The following ATR variants were observed in gnomAD, a reference collection of about 807,000 sequenced individuals.
ATR encodes serine/threonine-protein kinase ATR.
In ATR, 142 loss-of-function variants were observed where a neutral mutation model predicts 305.3. The ratio of observed to expected loss-of-function variants is 0.47; its 90% confidence interval spans 0.41 to 0.53. The LOEUF is 0.53. Among genes scored for constraint, ATR ranks in the 20% least tolerant of loss-of-function variants. The pLI is 0.00. For missense variants in ATR, 2,135 were observed against 3,133.1 expected (o/e 0.68, Z 7.60); for synonymous variants, 1,050 against 1,068.1 (o/e 0.98, Z 0.33).
At chr3:142,565,238 T>A (rs914124319) in intron 3 of ATR, among the ~76,000 whole-genome samples, 2 of 151,978 alleles carry the variant, frequency 1.3e-5, no homozygotes, top group Admixed American at 1.3e-4. Context: ...TAAGAGAGAA[T>A]AAAGGAATAA....
intron 36 of ATR, among the ~76,000 whole-genome samples, chr3:142,473,638 C>T (rs998762202): frequency 3.3e-5 from 5 of 151,686 alleles, no homozygotes; most frequent in African/African-American, 9.7e-5. Context: ...CTCCACCTCC[C>T]GGGTTCCAGC....
chr3:142,498,880 C>A, intron 31 of ATR, 106 bp from the exon 32 acceptor site: 6 of 1,073,248 alleles, frequency 5.6e-6, no homozygotes, highest in Non-Finnish European at 8.2e-6. Context: ...CAGGTGGCTT[C>A]ATTCCTTTTT....
intron 46 of ATR, chr3:142,451,411 G>T: frequency 6.8e-7 from 1 of 1,478,268 alleles, no homozygotes. Flanking sequence ...CTGAAGCCTA[G>T]AAATATTTTT....
chr3:142,558,924 G>T, intron 7 of ATR, 148 bp from the exon 8 acceptor site: 1 of 818,578 alleles, frequency 1.2e-6, no homozygotes, highest in African/African-American at 1.7e-5. Flanking sequence ...GATGGTCTGA[G>T]GTCTGTGAAC....
chr3:142,558,557 A>AATAAATAGATAGATAG lies in ATR; in HGVS notation c.1885+66_1885+67insCTATCTATCTATTTAT, dbSNP rs1553771187. The AATAAATAGATAGATAG allele has an allele frequency of 1.3e-5, 8 of 620,138 alleles. No homozygotes were observed. In the African/African-American group the frequency reaches 1.5e-4, roughly 12 times the overall value. The allele number at this position is 620,138 out of a possible 1,614,324, so 38.4% of individuals were successfully genotyped here. On this transcript the variant is annotated intron_variant, in intron 8 of 46. Transcript: ENST00000350721. ...AAATAAATAAATAAATAAATAAATA[A>AATAAATAGATAGATAG]ATAGATAGATAGATAGATAGATAGA...
chr3:142,493,965 C>CCAAGGCATCAGTGAG (rs1395069474), intron 34 of ATR, among the ~76,000 whole-genome samples: 5 of 150,546 alleles, frequency 3.3e-5, no homozygotes, highest in Non-Finnish European at 3.0e-5. Context: ...GAGCAGGAGT[C>CCAAGGCATCAGTGAG]CAAGGCATCA....
At chr3:142,544,426 TG>T (rs1334301474) in intron 16 of ATR, among the ~76,000 whole-genome samples, 1 of 86,920 alleles carries the variant, frequency 1.2e-5, no homozygotes, top group Non-Finnish European at 2.2e-5. Flanking sequence ...CAGTCCAGCC[TG>T]GGTGACAGAG....
At chr3:142,554,456 G>A (rs1327782774) in intron 10 of ATR, among the ~76,000 whole-genome samples, 1 of 152,150 alleles carries the variant, frequency 6.6e-6, no homozygotes, top group African/African-American at 2.4e-5. Context: ...TCGAACACCT[G>A]AGCTCAGGCA....
intron 16 of ATR, among the ~76,000 whole-genome samples, chr3:142,546,254 C>T (rs549010389): frequency 5.5e-4 from 83 of 152,286 alleles, no homozygotes; most frequent in Non-Finnish European, 9.3e-4. Context: ...ATGGTTCTGG[C>T]TCTCAATCAG....
chr3:142,542,788 T>C (rs774039715), intron 16 of ATR, 31 bp from the exon 17 acceptor site: 1 of 1,485,954 alleles, frequency 6.7e-7, no homozygotes, highest in East Asian at 2.3e-5. Context: ...ATATGTAAGC[T>C]TTATACAGAT....
intron 36 of ATR, among the ~76,000 whole-genome samples, chr3:142,473,688 G>A (rs969520479): frequency 6.6e-6 from 1 of 151,748 alleles, no homozygotes; most frequent in Non-Finnish European, 1.5e-5. Flanking sequence ...TAGGATTACA[G>A]GTGCATGCCA....
chr3:142,452,324 T>C, intron 46 of ATR: 13 of 987,412 alleles, frequency 1.3e-5, no homozygotes, highest in African/African-American at 1.7e-5. Context: ...TTATTAAAGA[T>C]GTAAGAGTGC....
Position 142,498,668 on chromosome 3 carries a change from T to C in ATR, c.5487A>G (p.Glu1829=). ...FYDSLKLVRA[E]QIVPLSAASF... ...TTGCAGCTGAAAGAGGTACAATTTGTTCTGCTCTCACTAGTTTCAGTGAGT... is the reference window on the plus strand; with the variant it reads ...TTGCAGCTGAAAGAGGTACAATTTGCTCTGCTCTCACTAGTTTCAGTGAGT... Residue 1829 remains glutamate (E), a synonymous_variant, in exon 32 of 47, where the codon GAA becomes GAG. Coordinates refer to ENST00000350721, the MANE Select transcript of ATR (RefSeq NM_001184.4). 6.2e-7 allele frequency: 1 copy of C among 1,614,128 alleles called. No individual in the cohort carries two copies. Among genetic ancestry groups the C allele is most frequent in the Non-Finnish European group, 8.5e-7 (1 of 1,180,000 alleles).
intron 43 of ATR, 35 bp from the exon 44 acceptor site, chr3:142,459,146 T>A (rs777688157): frequency 6.2e-7 from 1 of 1,613,450 alleles, no homozygotes; most frequent in Non-Finnish European, 8.5e-7. Flanking sequence ...AATATCCATA[T>A]ACATATGAGG....
rs770581950 is a variant in ATR, at chr3:142,558,734, C to T, written c.1775G>A (p.Gly592Asp). Residue 592 changes from glycine to aspartate, a missense_variant, in exon 8 of 47, where the codon GGT becomes GAT. Transcript: ENST00000350721. ...FEDHILEDLCGMLSLPWIYSH... is the reference protein window; with the variant it reads ...FEDHILEDLCDMLSLPWIYSH... The stretch of plus-strand genomic sequence containing the variant: ...ATAAATCCATGGAAGTGAGAGCATA[C>T]CACATAAATCTTCCAGGATATGATC... The T allele has an allele frequency of 6.2e-7, 1 of 1,610,968 alleles. No individual in the cohort carries two copies. The highest frequency in any genetic ancestry group is 8.5e-7 in the Non-Finnish European group (1 of 1,177,864).
At chr3:142,541,340 T>G (rs960389697) in intron 17 of ATR, among the ~76,000 whole-genome samples, 2 of 152,232 alleles carry the variant, frequency 1.3e-5, no homozygotes, top group Non-Finnish European at 2.9e-5. Context: ...TAATGCATAT[T>G]GTTTAATTTC....
At position 142,507,940 on chromosome 3, in the gene ATR, T is replaced by C; in HGVS notation, c.5022A>G (p.Gly1674=). ...TATATTAACTTCAGACCTGTAAAAA[T>C]CCAAGATGTTCCTGAATATTTTGCT... ...EKKQNIQEHL[G]FLQKLYAAMH... Residue 1674 remains glycine, a synonymous_variant, in exon 28 of 47, where the codon GGA becomes GGG. Transcript: ENST00000350721. The C allele has an allele frequency of 6.2e-7, 1 of 1,605,752 alleles. No homozygotes were observed. The highest frequency in any genetic ancestry group is 1.1e-5 in the South Asian group (1 of 90,886).
In ATR at chr3:142,451,820, G is replaced by A. The variant is rs922389770; in HGVS notation, c.7761+1308C>T. On this transcript the variant is annotated intron_variant, in intron 46 of 46. Transcript: ENST00000350721. ...AGTTAGATATGTATATAGCTTGAGT[G>A]TGATCCTGCTAGAGCTCTTTCAGCT... 1.6e-5 allele frequency: 21 copies of A among 1,281,266 alleles called. 1 individual carries two copies. In the Admixed American group the frequency reaches 4.7e-4, roughly 29 times the overall value. The allele number at this position is 1,281,266 out of a possible 1,614,324, so 79.4% of individuals were successfully genotyped here. A position where few individuals can be genotyped will look rare whatever the true frequency, so the allele number is the denominator to read the frequency against.
At chr3:142,510,208 C>G (rs2032480635) in intron 27 of ATR, among the ~76,000 whole-genome samples, 1 of 148,544 alleles carries the variant, frequency 6.7e-6, no homozygotes, top group South Asian at 2.2e-4. Flanking sequence ...GAAATAAAAA[C>G]TAACAGGCTG....
Sources: gnomAD v4.1 joint callset for allele counts (sites outside exome capture counted in the v4.1 genomes callset) on GRCh38, gnomAD v4.1.1 for gene constraint, MANE v1.5 for transcripts, NCBI Gene and HGNC (gene_info 2026-07-23, HGNC 2026-07-21) for gene names.